Variants in RAB44 observed in about 807,000 individuals in gnomAD.
RAB44 encodes RAB44, member RAS oncogene family.
Under a neutral mutation model 93.3 loss-of-function variants are expected in RAB44, and 67 were observed. That is an observed-to-expected ratio of 0.72 (90% CI 0.59 to 0.88). RAB44 has a LOEUF of 0.88. Among genes scored for constraint, RAB44 ranks in the 40% least tolerant of loss-of-function variants. RAB44 has a pLI of 0.00. For missense variants in RAB44, 1,064 were observed against 1,261.7 expected, an observed-to-expected ratio of 0.84 and a Z score of 2.37; for synonymous variants, 427 against 520.3, an observed-to-expected ratio of 0.82 and a Z score of 2.44.
Position 36,731,427 on chromosome 6 carries a change from A to G in RAB44, c.2976-576A>G, listed in dbSNP as rs535871976. On this transcript the variant is annotated intron_variant, in intron 13 of 13. Transcript: ENST00000612677. The surrounding 1 kb of genome is among the most constrained non-coding windows in gnomAD (Gnocchi z 4.0). ...CCCATACCTGGGACCTAGGTGCTCC[A>G]TAAATGAATAAAATGAGTAAGGCAT... Among the ~76,000 whole-genome samples, 4 of 152,242 alleles carry G rather than the reference A, an allele frequency of 2.6e-5. No individual in the cohort carries two copies. Among genetic ancestry groups the G allele is most frequent in the Non-Finnish European group, 4.4e-5 (3 of 68,034 alleles).
In RAB44 at chr6:36,721,944, A is replaced by G. The variant is rs1187629075; in HGVS notation, c.1810A>G (p.Thr604Ala). 1 of 1,234,526 alleles carries G rather than the reference A, an allele frequency of 8.1e-7. No individual in the cohort carries two copies. The highest frequency in any genetic ancestry group is 1.5e-5 in the African/African-American group (1 of 64,588). The allele number at this position is 1,234,526 out of a possible 1,614,324, so 76.5% of individuals were successfully genotyped here. ...CACTGGCTCTGAGCCAAGACTGGGGACCCAGAGGGCTAGAGCCCTCACCCT... is the reference window on the plus strand; with the variant it reads ...CACTGGCTCTGAGCCAAGACTGGGGGCCCAGAGGGCTAGAGCCCTCACCCT... ...HATGSEPRLGTQRARALTLGP... is the reference protein window; with the variant it reads ...HATGSEPRLGAQRARALTLGP... Residue 604 changes from threonine (T) to alanine (A), a missense_variant, in exon 9 of 14, where the codon ACC becomes GCC. Transcript: ENST00000612677.
At chr6:36,699,727 T>G (rs977266020) in intron 1 of RAB44, among the ~76,000 whole-genome samples, 1 of 152,230 alleles carries the variant, frequency 6.6e-6, no homozygotes, top group African/African-American at 2.4e-5. Context: ...CAGGTCACTC[T>G]GCCTCTTGGA....
chr6:36,712,498 G>C (rs1196677074), intron 2 of RAB44, among the ~76,000 whole-genome samples: 4 of 152,086 alleles, frequency 2.6e-5, no homozygotes, highest in Non-Finnish European at 5.9e-5. Flanking sequence ...CTGAGTAGCT[G>C]GGATTACAGG....
In RAB44 at chr6:36,721,842, C is replaced by A; in HGVS notation, c.1708C>A (p.Pro570Thr). The change falls in exon 9 of 14, where the codon CCC becomes ACC. Residue 570 changes from proline to threonine, a missense_variant. Pro to Thr is a conservative substitution (Grantham distance 38). Transcript: ENST00000612677. Reference protein sequence around the residue: ...TERETQPGPSPTTALTGVGPA... With the variant: ...TERETQPGPSTTTALTGVGPA... ...GCGGGAAACCCAGCCCGGACCCTCA[C>A]CCACAACTGCCCTCACAGGAGTGGG... The A allele has an allele frequency of 8.1e-7, 1 of 1,234,918 alleles. No homozygotes were observed. Among genetic ancestry groups the A allele is most frequent in the Non-Finnish European group, 1.0e-6 (1 of 988,666 alleles). 76.5% of individuals were successfully genotyped at this position (1,234,918 alleles called of 1,614,324 possible).
intron 12 of RAB44, 111 bp downstream of exon 12, chr6:36,728,912 C>A: frequency 1.2e-6 from 1 of 850,324 alleles, no homozygotes; most frequent in Non-Finnish European, 1.9e-6. Flanking sequence ...ACCCGTGGCC[C>A]ATTCCTGCCC....
intron 1 of RAB44, among the ~76,000 whole-genome samples, chr6:36,701,695 G>A (rs1450356384): frequency 6.6e-6 from 1 of 152,128 alleles, no homozygotes; most frequent in Non-Finnish European, 1.5e-5. Flanking sequence ...GTGCTGCACT[G>A]TAATTATGTT....
At position 36,731,950 on chromosome 6, in the gene RAB44, G is replaced by A. The variant is rs1274979200; in HGVS notation, c.2976-53G>A. On this transcript the variant is annotated intron_variant, in intron 13 of 13. Transcript: ENST00000612677. This position sits in a 1 kb window ranked among gnomAD's most constrained non-coding sequence, Gnocchi z 4.0. ...CCCAGCTGCACCCATGGGCCCATCC[G>A]TGCTGCCCGTAGGAGGTGAGAGAGA... The A allele has an allele frequency of 7.6e-6, 9 of 1,180,032 alleles. No homozygotes were observed. The East Asian group carries it at 9.5e-5, about 13-fold the overall frequency. 73.1% of individuals were successfully genotyped at this position (1,180,032 alleles called of 1,614,324 possible).
At chr6:36,728,659 C>G (rs1763292090) in intron 11 of RAB44, 41 bp from the exon 12 acceptor site, 1 of 1,514,756 alleles carries the variant, frequency 6.6e-7, no homozygotes, top group African/African-American at 1.4e-5. Flanking sequence ...AGGAGCCTGG[C>G]ACACAGTGGG....
At chr6:36,703,715 T>A (rs1359949890) in intron 1 of RAB44, among the ~76,000 whole-genome samples, 1 of 150,128 alleles carries the variant, frequency 6.7e-6, no homozygotes, top group Admixed American at 6.6e-5. Flanking sequence ...GGAGGAGAGG[T>A]GAGGCTGACA....
At chr6:36,711,103 T>G (rs940439990) in intron 2 of RAB44, among the ~76,000 whole-genome samples, 10 of 152,354 alleles carry the variant, frequency 6.6e-5, no homozygotes, top group Non-Finnish European at 1.0e-4. Flanking sequence ...AAATTATTTA[T>G]TAATTGATGT....
chr6:36,703,054 G>A (rs78894843), intron 1 of RAB44, among the ~76,000 whole-genome samples: 11,799 of 152,204 alleles, frequency 0.078, 1,222 homozygotes, highest in African/African-American at 0.24. Context: ...TTTACATAGA[G>A]CAGAAATTTA....
chr6:36,703,658 C>T (rs548373524), intron 1 of RAB44, among the ~76,000 whole-genome samples: 12 of 152,062 alleles, frequency 7.9e-5, no homozygotes, highest in Non-Finnish European at 1.8e-4. Context: ...TGATTCCATG[C>T]TGCGTGTGTC....
At chr6:36,700,772 G>T (rs9394375) in intron 1 of RAB44, among the ~76,000 whole-genome samples, 76,568 of 151,998 alleles carry the variant, frequency 0.5, 19,512 homozygotes, top group East Asian at 0.63. Context: ...CCCCTTCTAT[G>T]CTACAGGGAG....
intron 10 of RAB44, among the ~76,000 whole-genome samples, chr6:36,727,089 C>G (rs1361852065): frequency 6.6e-6 from 1 of 152,140 alleles, no homozygotes; most frequent in Non-Finnish European, 1.5e-5. Flanking sequence ...GCGTGAGCCA[C>G]CGTGCCCAGC....
At chr6:36,729,896 C>G (rs535232585) in intron 12 of RAB44, among the ~76,000 whole-genome samples, 2 of 152,266 alleles carry the variant, frequency 1.3e-5, no homozygotes, top group East Asian at 3.9e-4. Context: ...AATGGATACC[C>G]ATGTATAACG....
At position 36,721,442 on chromosome 6, in the gene RAB44, T is replaced by C. The variant is rs903864325; in HGVS notation, c.1308T>C (p.Pro436=). Reference sequence around the variant, plus strand: ...CAGATGGGGCTCCAAGGACCCCACCTGGGGTGACTTTCAGCGCCAAGGACA... The same window carrying C: ...CAGATGGGGCTCCAAGGACCCCACCCGGGGTGACTTTCAGCGCCAAGGACA... The part of the protein sequence containing the change: ...SDPDGAPRTP[P]GVTFSAKDNK... Residue 436 remains proline, a synonymous_variant, in exon 9 of 14, where the codon CCT becomes CCC. Coordinates refer to ENST00000612677, the MANE Select transcript of RAB44 (RefSeq NM_001257357.2). The C allele has an allele frequency of 8.1e-7, 1 of 1,234,310 alleles. No individual in the cohort carries two copies. The highest frequency in any genetic ancestry group is 4.2e-5 in the Admixed American group (1 of 23,720). 76.5% of individuals were successfully genotyped at this position (1,234,310 alleles called of 1,614,324 possible).
intron 9 of RAB44, 132 bp from the exon 10 acceptor site, chr6:36,725,730 A>G: frequency 3.0e-6 from 2 of 669,520 alleles, no homozygotes; most frequent in Non-Finnish European, 5.6e-6. Context: ...TGCAGAGCCG[A>G]GGGGAAGCCC....
chr6:36,716,635 G>A (rs751671161), intron 4 of RAB44, among the ~76,000 whole-genome samples: 27 of 152,208 alleles, frequency 1.8e-4, no homozygotes, highest in East Asian at 7.7e-4. Flanking sequence ...GATTCCTCAC[G>A]CTTGGCTCCC....
In RAB44 at chr6:36,722,542, A is replaced by G; in HGVS notation, c.2408A>G (p.Asp803Gly). 1 of 1,543,010 alleles carries G rather than the reference A, an allele frequency of 6.5e-7. No homozygotes were observed. Among genetic ancestry groups the G allele is most frequent in the Non-Finnish European group, 8.8e-7 (1 of 1,142,592 alleles). The change falls in exon 9 of 14, where the codon GAT (aspartate) becomes GGT (glycine). Residue 803 changes from aspartate to glycine, a missense_variant. Physicochemically the swap from Asp to Gly is moderately conservative, Grantham distance 94. Transcript: ENST00000612677. ...CCAAGGGCAGAGAGCAGGCTTGAAGATCCAGGAATGGACTCCAGGGAAGCT... is the reference window on the plus strand; with the variant it reads ...CCAAGGGCAGAGAGCAGGCTTGAAGGTCCAGGAATGGACTCCAGGGAAGCT... Reference protein sequence around the residue: ...REPRAESRLEDPGMDSREAGL... With the variant: ...REPRAESRLEGPGMDSREAGL...
Sources: gnomAD v4.1 joint callset for allele counts (sites outside exome capture counted in the v4.1 genomes callset) on GRCh38, gnomAD v4.1.1 for gene constraint, Gnocchi (gnomAD v3.1) non-coding constraint, MANE v1.5 for transcripts, NCBI Gene and HGNC (gene_info 2026-07-23, HGNC 2026-07-21) for gene names.